RASGEF1B: variants seen among roughly 807,000 people sequenced by gnomAD.
RASGEF1B encodes the protein ras-GEF domain-containing family member 1B.
In RASGEF1B, 30 loss-of-function variants were observed where a neutral mutation model predicts 65.7. The ratio of observed to expected loss-of-function variants is 0.46; its 90% CI spans 0.34 to 0.62. RASGEF1B has a LOEUF of 0.62. Ranked by LOEUF, RASGEF1B falls within the 20% of genes least tolerant of loss-of-function variation. RASGEF1B has a pLI of 0.01. For missense variants in RASGEF1B, 495 were observed against 580.1 expected, an observed-to-expected ratio of 0.85 and a Z score of 1.51; for synonymous variants, 175 against 194.8, an observed-to-expected ratio of 0.90 and a Z score of 0.85.
intron 1 of RASGEF1B, among the ~76,000 whole-genome samples, chr4:81,462,905 C>CT (rs1190745975): frequency 2.6e-5 from 4 of 151,906 alleles, no homozygotes; most frequent in Admixed American, 1.3e-4. Context: ...GCATCCCCAT[C>CT]TTTTTTTTGA....
intron 13 of RASGEF1B, among the ~76,000 whole-genome samples, chr4:81,430,934 T>C (rs1578608489): frequency 6.6e-6 from 1 of 152,164 alleles, no homozygotes; most frequent in East Asian, 1.9e-4. Context: ...TGCTTACCAA[T>C]TTTTAAAATA....
At chr4:81,463,476 T>G (rs954933547) in intron 1 of RASGEF1B, among the ~76,000 whole-genome samples, 2 of 152,220 alleles carry the variant, frequency 1.3e-5, no homozygotes, top group African/African-American at 4.8e-5. Flanking sequence ...AATATTTGCT[T>G]GTGTGTACTT....
Position 81,456,621 on chromosome 4 carries a change from C to T in RASGEF1B, c.438+30G>A, listed in dbSNP as rs748681460. The T allele has an allele frequency of 1.2e-5, 20 of 1,612,682 alleles. No homozygotes were observed. In the South Asian group the frequency reaches 2.1e-4, roughly 17 times the overall value. ...CCACCCAGGCTCTGCCTGGGAATTCCAGCAGCCGCGCTAAATTCAGGTTAC... is the reference window on the plus strand; with the variant it reads ...CCACCCAGGCTCTGCCTGGGAATTCTAGCAGCCGCGCTAAATTCAGGTTAC... On this transcript the variant is annotated intron_variant, in intron 4 of 13. Transcript: ENST00000264400.
intron 4 of RASGEF1B, chr4:81,454,076 G>T (rs1463135534): frequency 3.3e-5 from 5 of 152,152 alleles, no homozygotes; most frequent in Admixed American, 3.3e-4. Flanking sequence ...AAAACCATCT[G>T]AACTTCGCAA....
chr4:81,447,421 A>T (rs1722064978), intron 6 of RASGEF1B, 83 bp downstream of exon 6: 3 of 1,021,512 alleles, frequency 2.9e-6, no homozygotes, highest in Non-Finnish European at 4.5e-6. Flanking sequence ...ATATAGTTCT[A>T]ACTTCCGTCC....
chr4:81,440,491 CA>C (rs1259506382), intron 10 of RASGEF1B, among the ~76,000 whole-genome samples: 2 of 152,162 alleles, frequency 1.3e-5, no homozygotes, highest in African/African-American at 4.8e-5. Context: ...CTACCTTGTG[CA>C]GAGCTTAAAT....
intron 3 of RASGEF1B, among the ~76,000 whole-genome samples, 194 bp from the exon 4 acceptor site, chr4:81,456,982 G>C (rs193238287): frequency 2.0e-5 from 3 of 152,080 alleles, no homozygotes; most frequent in South Asian, 4.2e-4. Flanking sequence ...ATTCTCCATT[G>C]CATTTAATTA....
At chr4:81,434,134 C>G (rs1721527619) in intron 11 of RASGEF1B, among the ~76,000 whole-genome samples, 171 bp from the exon 12 acceptor site, 1 of 152,124 alleles carries the variant, frequency 6.6e-6, no homozygotes. Context: ...ACTGCAACAT[C>G]AAACTCCTGG....
Position 81,427,809 on chromosome 4 carries a change from A to G in RASGEF1B, c.1398-17T>C. ...AGGCTCGACCTGAGTAATAAAAACAACACAACCTAAGACAGAATGTAACAG... is the reference window on the plus strand; with the variant it reads ...AGGCTCGACCTGAGTAATAAAAACAGCACAACCTAAGACAGAATGTAACAG... On this transcript the variant is annotated splice_polypyrimidine_tract_variant and intron_variant, in intron 13 of 13. Transcript: ENST00000264400. The G allele has an allele frequency of 6.2e-7, 1 of 1,613,748 alleles. No individual in the cohort carries two copies.
At chr4:81,464,964 A>G (rs946640139) in intron 1 of RASGEF1B, among the ~76,000 whole-genome samples, 5 of 151,986 alleles carry the variant, frequency 3.3e-5, no homozygotes, top group African/African-American at 1.2e-4. Context: ...CATGGCTGTA[A>G]TCCCAGCTAC....
chr4:81,440,167 AT>A (rs1255325021), intron 10 of RASGEF1B, among the ~76,000 whole-genome samples: 1 of 152,228 alleles, frequency 6.6e-6, no homozygotes, highest in Non-Finnish European at 1.5e-5. Flanking sequence ...CTCAAATAAC[AT>A]GACTGCCAAA....
Position 81,435,774 on chromosome 4 carries a change from C to CTTTT in RASGEF1B, c.1105-1044_1105-1041dup, listed in dbSNP as rs34304493. Among the ~76,000 whole-genome samples, 158 of 91,588 alleles carry CTTTT rather than the reference C, an allele frequency of 1.7e-3. 5 individuals are homozygous for CTTTT. Among genetic ancestry groups the CTTTT allele is most frequent in the African/African-American group, 7.5e-3 (139 of 18,566 alleles). 60.1% of individuals were successfully genotyped at this position (91,588 alleles called of 152,430 possible). On this transcript the variant is annotated intron_variant, in intron 10 of 13. Transcript: ENST00000264400. ...ACAGGCGTGAGCCAACGCGCCTGGC[C>CTTTT]TTTTTTTTTTTTTTTTTTTTTTTAA...
chr4:81,428,899 T>C (rs1442503020), intron 13 of RASGEF1B, among the ~76,000 whole-genome samples: 4 of 152,380 alleles, frequency 2.6e-5, no homozygotes, highest in Admixed American at 6.5e-5. Flanking sequence ...CCACTTAACG[T>C]ATGTATTTTG....
intron 13 of RASGEF1B, among the ~76,000 whole-genome samples, chr4:81,428,033 A>G (rs1299292596): frequency 6.6e-6 from 1 of 152,250 alleles, no homozygotes; most frequent in Non-Finnish European, 1.5e-5. Flanking sequence ...AGATAAATCT[A>G]TATCTTGCGT....
chr4:81,432,880 C>T (rs1721478541), intron 12 of RASGEF1B, among the ~76,000 whole-genome samples: 1 of 151,866 alleles, frequency 6.6e-6, no homozygotes, highest in Non-Finnish European at 1.5e-5. Context: ...TATTAGTCCT[C>T]TTTATAGAGA....
chr4:81,447,986 A>G (rs760476448), intron 5 of RASGEF1B, 83 bp downstream of exon 5: 9 of 1,144,610 alleles, frequency 7.9e-6, no homozygotes, highest in Non-Finnish European at 1.2e-5. Flanking sequence ...CTCCTGTGAC[A>G]TTACCGCTGA....
In RASGEF1B at chr4:81,457,571, C is replaced by A. The variant is rs199679536; in HGVS notation, c.228G>T (p.Pro76=). The A allele has an allele frequency of 6.2e-7, 1 of 1,613,916 alleles. No individual in the cohort carries two copies. Among genetic ancestry groups the A allele is most frequent in the Non-Finnish European group, 8.5e-7 (1 of 1,179,872 alleles). The change falls in exon 3 of 14, where the codon CCG becomes CCT. Residue 76 remains proline (P), a synonymous_variant. Coordinates refer to ENST00000264400, the MANE Select transcript of RASGEF1B (RefSeq NM_152545.3). ...FLLSSRLFMH[P]YELMAKVCHL... The stretch of plus-strand genomic sequence containing the variant: ...GGCAAACTTTGGCCATTAGCTCATA[C>A]GGATGCATAAATAACCGAGAACTGA...
At position 81,442,316 on chromosome 4, in the gene RASGEF1B, G is replaced by A. The variant is rs764180506; in HGVS notation, c.989C>T (p.Ala330Val). The A allele has an allele frequency of 3.7e-6, 6 of 1,611,474 alleles. No individual in the cohort carries two copies. The highest frequency in any genetic ancestry group is 5.1e-6 in the Non-Finnish European group (6 of 1,177,810). The change falls in exon 9 of 14, where the codon GCA (alanine) becomes GTA (valine). Residue 330 changes from alanine (A) to valine (V), a missense_variant. Transcript: ENST00000264400. ...ACATACCTCAAGAATGTCAAATTTT[G>A]CAGTCTTCACTTTGGCCCAAGTTTT... The part of the protein sequence containing the change: ...LKKTWAKVKT[A>V]KFDILEHQMD...
chr4:81,448,464 T>C (rs1261160382), intron 4 of RASGEF1B, among the ~76,000 whole-genome samples, 180 bp from the exon 5 acceptor site: 2 of 152,222 alleles, frequency 1.3e-5, no homozygotes, highest in Non-Finnish European at 2.9e-5. Context: ...TAAGGCATTT[T>C]CAAACCTGTA....
Sources: gnomAD v4.1 joint callset for allele counts (sites outside exome capture counted in the v4.1 genomes callset) on GRCh38, gnomAD v4.1.1 for gene constraint, MANE v1.5 for transcripts, NCBI Gene and HGNC (gene_info 2026-07-23, HGNC 2026-07-21) for gene names.